MDGA2: variants seen among roughly 807,000 people sequenced by gnomAD.
MDGA2 encodes the protein MAM domain-containing glycosylphosphatidylinositol anchor protein 2.
MDGA2 carries 40 observed loss-of-function variants against 117.8 expected under a neutral mutation model. The observed-to-expected ratio is 0.34, with a 90% CI of 0.26 to 0.44. The LOEUF (loss-of-function observed/expected upper bound fraction) is 0.44. Among genes scored for constraint, MDGA2 ranks in the 20% least tolerant of loss-of-function variants. The probability of loss-of-function intolerance (pLI) is 1.00; values close to 1 mark genes in which losing one functional copy is unlikely to be tolerated. For missense variants in MDGA2, 1,123 were observed against 1,250.6 expected, an observed-to-expected ratio of 0.90 and a Z score of 1.54; for synonymous variants, 452 against 439.0, an observed-to-expected ratio of 1.03 and a Z score of -0.37.
chr14:47,205,120 G>GTA (rs896721811), intron 3 of MDGA2, among the ~76,000 whole-genome samples: 6 of 151,812 alleles, frequency 4.0e-5, no homozygotes, highest in Non-Finnish European at 7.4e-5. Context: ...GTGTTTGTGT[G>GTA]TATATATATG....
intron 3 of MDGA2, among the ~76,000 whole-genome samples, chr14:47,168,246 T>C (rs1284963496): frequency 7.2e-6 from 1 of 139,572 alleles, no homozygotes; most frequent in African/African-American, 2.7e-5. Flanking sequence ...CTTCTCTCTC[T>C]CTCTCTTTAA....
At chr14:46,971,937 G>C (rs75407973) in intron 8 of MDGA2, among the ~76,000 whole-genome samples, 11,107 of 152,122 alleles carry the variant, frequency 0.073, 586 homozygotes, top group Admixed American at 0.12. Context: ...TGTTGACTTT[G>C]GGTTGTTGAA....
At chr14:47,553,536 G>A (rs1257120594) in intron 1 of MDGA2, among the ~76,000 whole-genome samples, 3 of 152,066 alleles carry the variant, frequency 2.0e-5, no homozygotes, top group Non-Finnish European at 4.4e-5. Flanking sequence ...ACATTTGAAA[G>A]CTTTTGGAAA....
At chr14:46,843,345 T>C (rs961195014) in intron 16 of MDGA2, among the ~76,000 whole-genome samples, 1 of 152,114 alleles carries the variant, frequency 6.6e-6, no homozygotes, top group Non-Finnish European at 1.5e-5. Flanking sequence ...ATATTTGTGC[T>C]TACATTATGA....
At chr14:46,860,251 G>C (rs1038325271) in intron 14 of MDGA2, among the ~76,000 whole-genome samples, 3 of 151,822 alleles carry the variant, frequency 2.0e-5, no homozygotes, top group African/African-American at 7.3e-5. Flanking sequence ...TTTTTAGTGA[G>C]AATTAAAGTA....
In MDGA2 at chr14:46,976,581, T is replaced by G. The variant is rs113001914; in HGVS notation, c.1820-18938A>C. On this transcript the variant is annotated intron_variant, in intron 8 of 16. Coordinates refer to ENST00000399232, the MANE Select transcript of MDGA2 (RefSeq NM_001113498.3). ...TGCATAAAAACCAATCTATGAATAA[T>G]TCTTTGAAAATATAAAAAGGTTGAT... Among the ~76,000 whole-genome samples, 986 of 151,982 alleles carry G rather than the reference T, an allele frequency of 6.5e-3. 5 individuals carry two copies. The highest frequency in any genetic ancestry group is 0.012 in the African/African-American group (509 of 41,530).
intron 9 of MDGA2, among the ~76,000 whole-genome samples, chr14:46,930,872 G>A (rs1217520732): frequency 6.6e-6 from 1 of 151,992 alleles, no homozygotes; most frequent in East Asian, 1.9e-4. Flanking sequence ...CCCATCGGTT[G>A]AGGATCTGAA....
At chr14:47,440,038 A>G (rs115770331) in intron 1 of MDGA2, among the ~76,000 whole-genome samples, 88 of 152,118 alleles carry the variant, frequency 5.8e-4, no homozygotes, top group African/African-American at 2.1e-3. Flanking sequence ...TGCTAGTGCC[A>G]AGATTCTCAG....
intron 1 of MDGA2, among the ~76,000 whole-genome samples, chr14:47,587,039 C>T (rs1008006951): frequency 2.0e-5 from 3 of 151,838 alleles, no homozygotes; most frequent in Non-Finnish European, 4.4e-5. Context: ...TGTGCTCCTA[C>T]AATAATGAAG....
intron 1 of MDGA2, among the ~76,000 whole-genome samples, chr14:47,563,576 C>CTTT (rs1650344812): frequency 4.4e-5 from 1 of 22,492 alleles, no homozygotes; most frequent in Non-Finnish European, 9.0e-5. Flanking sequence ...CTGCTTTTTT[C>CTTT]TGTTTTTTTT....
At chr14:47,389,981 A>G (rs1245249903) in intron 1 of MDGA2, among the ~76,000 whole-genome samples, 3 of 152,156 alleles carry the variant, frequency 2.0e-5, no homozygotes, top group Non-Finnish European at 4.4e-5. Flanking sequence ...ATGCTCTTAC[A>G]AATAGAGGCT....
intron 1 of MDGA2, among the ~76,000 whole-genome samples, chr14:47,409,859 G>C (rs1266967498): frequency 6.6e-6 from 1 of 152,096 alleles, no homozygotes. Flanking sequence ...GCATTCTAAA[G>C]AAACAGCGTG....
chr14:47,478,843 C>A (rs769861510), intron 1 of MDGA2, among the ~76,000 whole-genome samples: 1 of 152,186 alleles, frequency 6.6e-6, no homozygotes, highest in African/African-American at 2.4e-5. Flanking sequence ...GAGTGAAAGA[C>A]ATGGCTTTGA....
At chr14:47,201,700 A>G (rs1334422676) in intron 3 of MDGA2, among the ~76,000 whole-genome samples, 1 of 152,144 alleles carries the variant, frequency 6.6e-6, no homozygotes, top group South Asian at 2.1e-4. Context: ...CTGCCAGCCT[A>G]CTTTATCTGT....
chr14:47,259,575 C>G (rs963554877), intron 2 of MDGA2, among the ~76,000 whole-genome samples: 5 of 152,014 alleles, frequency 3.3e-5, no homozygotes, highest in South Asian at 4.1e-4. Context: ...AATTTGAACA[C>G]AGGACACTTT....
At chr14:47,377,288 C>T (rs1210050623) in intron 1 of MDGA2, among the ~76,000 whole-genome samples, 4 of 152,132 alleles carry the variant, frequency 2.6e-5, no homozygotes, top group Admixed American at 6.6e-5. Flanking sequence ...GTCTACAGCT[C>T]CCAGCATGAG....
At chr14:47,611,025 G>A (rs1223100359) in intron 1 of MDGA2, among the ~76,000 whole-genome samples, 1 of 151,994 alleles carries the variant, frequency 6.6e-6, no homozygotes, top group Non-Finnish European at 1.5e-5. Context: ...TAGGCCAATG[G>A]AACAGAATAG....
intron 9 of MDGA2, among the ~76,000 whole-genome samples, chr14:46,952,455 A>G (rs1355712189): frequency 6.6e-6 from 1 of 152,008 alleles, no homozygotes; most frequent in Non-Finnish European, 1.5e-5. Flanking sequence ...CTGAAATGAT[A>G]CATCACTTAA....
intron 8 of MDGA2, among the ~76,000 whole-genome samples, chr14:47,031,347 G>A (rs1272597075): frequency 2.0e-5 from 3 of 151,782 alleles, no homozygotes; most frequent in African/African-American, 4.8e-5. Flanking sequence ...TTAATTGGAC[G>A]CAAGTAAAAC....
Sources: allele counts gnomAD v4.1 joint callset (sites outside exome capture counted in the v4.1 genomes callset), GRCh38; gene constraint gnomAD v4.1.1; transcripts MANE v1.5; gene names NCBI Gene and HGNC (gene_info 2026-07-23, HGNC 2026-07-21).